The following DEPTOR variants were observed in gnomAD, a reference collection of about 807,000 sequenced individuals.
DEPTOR encodes DEP domain containing MTOR interacting protein, also known as DEP domain-containing mTOR-interacting protein.
A neutral mutation model predicts 41.6 loss-of-function variants in DEPTOR; 41 were observed. The ratio of observed to expected loss-of-function variants is 0.98; its 90% CI spans 0.77 to 1.28. The LOEUF (loss-of-function observed/expected upper bound fraction) is 1.28. Ranked by LOEUF, DEPTOR falls within the 50% of genes most tolerant of loss-of-function variation. DEPTOR has a pLI of 0.00. For synonymous variants in DEPTOR, 195 were observed against 192.3 expected, an observed-to-expected ratio of 1.01 and a Z score of -0.12; for missense variants, 514 against 527.9, an observed-to-expected ratio of 0.97 and a Z score of 0.26.
chr8:119,900,917 T>A (rs1242819020), intron 1 of DEPTOR, among the ~76,000 whole-genome samples: 1 of 152,166 alleles, frequency 6.6e-6, no homozygotes, highest in Non-Finnish European at 1.5e-5. Context: ...GCATCTTCAC[T>A]CTTCTAGGCA....
At chr8:119,908,192 C>A (rs1827691205) in intron 1 of DEPTOR, among the ~76,000 whole-genome samples, 1 of 152,122 alleles carries the variant, frequency 6.6e-6, no homozygotes. Flanking sequence ...GGGAGGGTGG[C>A]TGGCCAAGAG....
rs1827991634 is a variant in DEPTOR, at chr8:119,928,480, A to G, written c.203A>G (p.Glu68Gly). The change falls in exon 2 of 9, where the codon GAA becomes GGA. Residue 68 changes from glutamate (E) to glycine (G), a missense_variant. By Grantham distance (98) the Glu-to-Gly change is moderately conservative. Coordinates refer to ENST00000286234, the MANE Select transcript of DEPTOR (RefSeq NM_022783.4). The part of the protein sequence containing the change: ...KTYPNCFVAK[E>G]LIDWLIEHKE... ...TACCCAAACTGTTTTGTCGCAAAAG[A>G]ACTGATTGACTGGCTGATTGAACAC... 1 of 1,614,226 alleles carries G rather than the reference A, an allele frequency of 6.2e-7. No individual in the cohort carries two copies. The highest frequency in any genetic ancestry group is 8.5e-7 in the Non-Finnish European group (1 of 1,180,038).
chr8:119,935,593 C>T (rs111709135), intron 3 of DEPTOR, among the ~76,000 whole-genome samples: 2,375 of 151,940 alleles, frequency 0.016, 65 homozygotes, highest in African/African-American at 0.055. Flanking sequence ...TGGTGGCATG[C>T]ACCTGTAATC....
chr8:120,040,944 G>A lies in DEPTOR; in HGVS notation c.1102-8632G>A, dbSNP rs528024860. ...CGGGCAGCCTTTCCTACTCTACTAA[G>A]CAGATCTCAGCTCTCCCTGGTCATT... is the stretch of plus-strand genomic sequence containing the variant. On this transcript the variant is annotated intron_variant, in intron 8 of 8. Transcript: ENST00000286234. Among the ~76,000 whole-genome samples, 55 of 152,220 alleles carry A rather than the reference G, an allele frequency of 3.6e-4. 1 individual carries two copies. The South Asian group carries it at 0.011, about 32-fold the overall frequency.
intron 1 of DEPTOR, among the ~76,000 whole-genome samples, chr8:119,926,761 C>T (rs1297360597): frequency 6.6e-6 from 1 of 152,140 alleles, no homozygotes; most frequent in Admixed American, 6.6e-5. Context: ...ATTGCTATGT[C>T]CTTTCCTTAG....
In DEPTOR at chr8:119,976,984, T is replaced by A. The variant is rs140197929; in HGVS notation, c.604+11574T>A. ...CAAGCAATCAATGCACTTGATACTG[T>A]TATCTCTCTTTTTAAATTTTATGCC... On this transcript the variant is annotated intron_variant, in intron 4 of 8. Coordinates refer to ENST00000286234, the MANE Select transcript of DEPTOR (RefSeq NM_022783.4). Among the ~76,000 whole-genome samples, 9 of 152,208 alleles carry A rather than the reference T, an allele frequency of 5.9e-5. No homozygotes were observed. The East Asian group carries it at 1.7e-3, about 29-fold the overall frequency.
At chr8:119,981,092 G>C (rs775794271) in intron 4 of DEPTOR, among the ~76,000 whole-genome samples, 1 of 152,206 alleles carries the variant, frequency 6.6e-6, no homozygotes, top group Non-Finnish European at 1.5e-5. Context: ...TAGAACTATA[G>C]TGTCTGACTC....
intron 1 of DEPTOR, among the ~76,000 whole-genome samples, chr8:119,920,240 T>C (rs1475367714): frequency 6.6e-6 from 1 of 152,222 alleles, no homozygotes; most frequent in Admixed American, 6.5e-5. Flanking sequence ...CCATGCTGAA[T>C]ACATAATATG....
In DEPTOR at chr8:120,049,668, G is replaced by A. The variant is rs776569275; in HGVS notation, c.1194G>A (p.Thr398=). The change falls in exon 9 of 9, where the codon ACG becomes ACA. Residue 398 remains threonine (T), a synonymous_variant. Coordinates refer to ENST00000286234, the MANE Select transcript of DEPTOR (RefSeq NM_022783.4). ...ATCTGATTCTGACGGGCCCACGGAC[G>A]ATTGTCATGGAAGTCATGGAGGAGT... The part of the protein sequence containing the change: ...VSNLILTGPR[T]IVMEVMEELE... 12 of 1,613,862 alleles carry A rather than the reference G, an allele frequency of 7.4e-6. No homozygotes were observed. The highest frequency in any genetic ancestry group is 1.7e-5 in the Admixed American group (1 of 59,972).
chr8:120,043,839 C>A (rs1813115635), intron 8 of DEPTOR, among the ~76,000 whole-genome samples: 1 of 151,908 alleles, frequency 6.6e-6, no homozygotes, highest in Admixed American at 6.6e-5. Flanking sequence ...TGGTGAAACC[C>A]CGTCTCTACT....
At chr8:119,884,216 C>A (rs1827335066) in intron 1 of DEPTOR, among the ~76,000 whole-genome samples, 1 of 152,178 alleles carries the variant, frequency 6.6e-6, no homozygotes, top group African/African-American at 2.4e-5. Context: ...CACCACCACA[C>A]CTCACTAATT....
chr8:120,027,810 C>A (rs1480053979), intron 8 of DEPTOR, among the ~76,000 whole-genome samples: 1 of 151,960 alleles, frequency 6.6e-6, no homozygotes, highest in African/African-American at 2.4e-5. Context: ...TAAACAAGAA[C>A]ACAGAGATCC....
chr8:119,933,382 T>A (rs1380526466), intron 3 of DEPTOR, among the ~76,000 whole-genome samples: 2 of 150,688 alleles, frequency 1.3e-5, no homozygotes, highest in Admixed American at 1.3e-4. Flanking sequence ...CCCAGCTACT[T>A]GGGAGGCTGA....
chr8:119,885,537 G>A (rs921606993), intron 1 of DEPTOR, among the ~76,000 whole-genome samples: 7 of 152,138 alleles, frequency 4.6e-5, no homozygotes, highest in South Asian at 2.1e-4. Context: ...GTTATACAGT[G>A]AGCATAGCCT....
At chr8:119,876,727 G>C (rs1266360375) in intron 1 of DEPTOR, among the ~76,000 whole-genome samples, 2 of 152,086 alleles carry the variant, frequency 1.3e-5, no homozygotes, top group East Asian at 3.9e-4. Flanking sequence ...GCTTAGGGTA[G>C]TTTCTGATAG....
intron 8 of DEPTOR, among the ~76,000 whole-genome samples, chr8:120,019,023 G>A (rs1812655716): frequency 6.6e-6 from 1 of 152,122 alleles, no homozygotes; most frequent in Non-Finnish European, 1.5e-5. Flanking sequence ...CACAGCTTTT[G>A]GCCAGCTGTG....
intron 3 of DEPTOR, among the ~76,000 whole-genome samples, chr8:119,956,155 A>C (rs1828414566): frequency 6.6e-6 from 1 of 152,234 alleles, no homozygotes. Flanking sequence ...TAAGCCACCA[A>C]GTTTGGGAGT....
intron 4 of DEPTOR, among the ~76,000 whole-genome samples, chr8:119,968,586 G>C (rs1331983182): frequency 6.6e-6 from 1 of 152,168 alleles, no homozygotes; most frequent in Non-Finnish European, 1.5e-5. Flanking sequence ...ACAGGCGTAA[G>C]CCACCATGCC....
chr8:119,897,787 G>T (rs764690757), intron 1 of DEPTOR, among the ~76,000 whole-genome samples: 1 of 152,076 alleles, frequency 6.6e-6, no homozygotes, highest in Non-Finnish European at 1.5e-5. Flanking sequence ...GAGCCACCAC[G>T]CCTGGCCCTT....
Sources: gnomAD v4.1 joint callset for allele counts (sites outside exome capture counted in the v4.1 genomes callset) on GRCh38, gnomAD v4.1.1 for gene constraint, MANE v1.5 for transcripts, NCBI Gene and HGNC (gene_info 2026-07-23, HGNC 2026-07-21) for gene names.